The following CNTN4 variants were observed in gnomAD, a reference collection of about 807,000 sequenced individuals.
CNTN4 encodes the protein contactin-4.
Under a neutral mutation model 122.5 loss-of-function variants are expected in CNTN4, and 77 were observed. The ratio of observed to expected loss-of-function variants is 0.63; its 90% CI spans 0.52 to 0.76. The LOEUF is 0.76. Ranked by LOEUF, CNTN4 falls within the 30% of genes least tolerant of loss-of-function variation. The pLI, the probability that CNTN4 is intolerant of heterozygous loss-of-function variation, is 0.00. For missense variants in CNTN4, 1,256 were observed against 1,259.1 expected (o/e 1.00, Z 0.04); for synonymous variants, 512 against 447.0 (o/e 1.15, Z -1.83).
chr3:2,210,502 G>A (rs1389818206), intron 2 of CNTN4, among the ~76,000 whole-genome samples: 1 of 152,128 alleles, frequency 6.6e-6, no homozygotes, highest in Non-Finnish European at 1.5e-5. Context: ...TCCACACAAT[G>A]TAGCCAGTGT....
intron 3 of CNTN4, among the ~76,000 whole-genome samples, chr3:2,477,704 G>A (rs746170370): frequency 2.0e-5 from 3 of 152,174 alleles, no homozygotes; most frequent in Non-Finnish European, 2.9e-5. Flanking sequence ...TGCATTTTGC[G>A]GGGAGAACAC....
chr3:2,568,329 A>AC lies in CNTN4; in HGVS notation c.-88-3087_-88-3086insC, dbSNP rs1290786275. Among the ~76,000 whole-genome samples the AC allele has an allele frequency of 8.6e-5, 13 of 151,056 alleles. No individual in the cohort carries two copies. In the East Asian group the frequency reaches 1.9e-3, roughly 23 times the overall value. ...TGTGCAAGAATGTGAAAAAAAAAAA[A>AC]AAAAAAAAAAACCACCCTGTACAAT... On this transcript the variant is annotated intron_variant, in intron 3 of 24. Coordinates refer to ENST00000418658, the MANE Select transcript of CNTN4 (RefSeq NM_175607.3).
chr3:2,325,938 G>A (rs1198455105), intron 2 of CNTN4, among the ~76,000 whole-genome samples: 1 of 152,144 alleles, frequency 6.6e-6, no homozygotes, highest in Non-Finnish European at 1.5e-5. Context: ...CTGTTTTGGG[G>A]AAAATTATAA....
chr3:3,041,714 C>A (rs903417761), intron 20 of CNTN4, among the ~76,000 whole-genome samples: 1 of 152,156 alleles, frequency 6.6e-6, no homozygotes, highest in Non-Finnish European at 1.5e-5. Flanking sequence ...GTAATCCCAG[C>A]ACTTTGGGAG....
intron 6 of CNTN4, among the ~76,000 whole-genome samples, chr3:2,815,585 A>T (rs2092707418): frequency 6.6e-6 from 1 of 152,164 alleles, no homozygotes; most frequent in Non-Finnish European, 1.5e-5. Context: ...AAAAAACAGT[A>T]GATGTTGGTG....
chr3:2,773,762 C>CTTTTTGT (rs1303159602), intron 6 of CNTN4, among the ~76,000 whole-genome samples: 1 of 107,544 alleles, frequency 9.3e-6, no homozygotes, highest in Non-Finnish European at 1.8e-5. Context: ...ATGTAGTAGA[C>CTTTTTGT]TTTTTTTTTT....
intron 3 of CNTN4, among the ~76,000 whole-genome samples, chr3:2,392,286 A>AT (rs911925576): frequency 5.5e-5 from 8 of 145,312 alleles, no homozygotes; most frequent in Non-Finnish European, 7.7e-5. Flanking sequence ...AGATTTGGTG[A>AT]TTTTATGTAT....
chr3:2,172,982 A>G (rs2036582539), intron 2 of CNTN4, among the ~76,000 whole-genome samples: 1 of 152,226 alleles, frequency 6.6e-6, no homozygotes, highest in Non-Finnish European at 1.5e-5. Context: ...GGCACTACAG[A>G]TCAGAACAAC....
intron 7 of CNTN4, among the ~76,000 whole-genome samples, chr3:2,855,389 A>C (rs2093607202): frequency 6.6e-6 from 1 of 152,176 alleles, no homozygotes; most frequent in Admixed American, 6.5e-5. Flanking sequence ...TCTATATCTC[A>C]CTTTCCCTGT....
intron 2 of CNTN4, among the ~76,000 whole-genome samples, chr3:2,196,556 T>C (rs188993796): frequency 4.1e-4 from 62 of 152,286 alleles, no homozygotes; most frequent in African/African-American, 1.3e-3. Flanking sequence ...CTCTGATTTA[T>C]TTTCCACAAT....
intron 2 of CNTN4, among the ~76,000 whole-genome samples, chr3:2,122,111 C>T (rs1046644532): frequency 2.7e-5 from 4 of 150,882 alleles, no homozygotes; most frequent in Non-Finnish European, 2.9e-5. Context: ...GCTGAGATTG[C>T]GCCACTGCAC....
chr3:2,259,156 A>G (rs991830973), intron 2 of CNTN4, among the ~76,000 whole-genome samples: 5 of 151,460 alleles, frequency 3.3e-5, no homozygotes, highest in Non-Finnish European at 7.4e-5. Flanking sequence ...CAGCATCTTT[A>G]TGGTACCTGG....
chr3:2,129,736 C>A (rs1026996074), intron 2 of CNTN4, among the ~76,000 whole-genome samples: 2 of 151,552 alleles, frequency 1.3e-5, no homozygotes, highest in African/African-American at 4.8e-5. Context: ...CCTTGAACAA[C>A]CTTTCTGGCT....
chr3:2,923,646 C>A (rs1465572328), intron 12 of CNTN4, among the ~76,000 whole-genome samples: 3 of 152,182 alleles, frequency 2.0e-5, no homozygotes, highest in Non-Finnish European at 4.4e-5. Context: ...GCAATTTGCA[C>A]TTATTTCATA....
At chr3:2,458,371 C>A (rs1478910620) in intron 3 of CNTN4, among the ~76,000 whole-genome samples, 2 of 152,080 alleles carry the variant, frequency 1.3e-5, no homozygotes, top group Non-Finnish European at 1.5e-5. Context: ...TTGTGTATAA[C>A]AGTCCTATAG....
chr3:2,681,513 A>G (rs1361109385), intron 4 of CNTN4, among the ~76,000 whole-genome samples: 1 of 152,136 alleles, frequency 6.6e-6, no homozygotes, highest in Non-Finnish European at 1.5e-5. Context: ...AAACAAGTAG[A>G]TGCCACTCAC....
At chr3:2,677,323 A>G (rs930235737) in intron 4 of CNTN4, among the ~76,000 whole-genome samples, 2 of 139,216 alleles carry the variant, frequency 1.4e-5, no homozygotes, top group Non-Finnish European at 3.1e-5. Context: ...GATGTAACCC[A>G]TTGAGATTTT....
intron 8 of CNTN4, among the ~76,000 whole-genome samples, chr3:2,880,877 A>C (rs569700887): frequency 6.6e-6 from 1 of 152,224 alleles, no homozygotes; most frequent in Admixed American, 6.5e-5. Flanking sequence ...TGTGATTTTT[A>C]ACCTATGGAG....
chr3:2,336,248 G>A (rs953647280), intron 2 of CNTN4, among the ~76,000 whole-genome samples: 3 of 151,996 alleles, frequency 2.0e-5, no homozygotes, highest in Non-Finnish European at 2.9e-5. Context: ...GCAGAGTAGA[G>A]TAGTAATTTT....
Sources: allele counts gnomAD v4.1 joint callset (sites outside exome capture counted in the v4.1 genomes callset), GRCh38; gene constraint gnomAD v4.1.1; transcripts MANE v1.5; gene names NCBI Gene and HGNC (gene_info 2026-07-23, HGNC 2026-07-21).